SEC16A: variants seen among roughly 807,000 people sequenced by gnomAD.
The protein encoded by SEC16A is SEC16 homolog A, endoplasmic reticulum export factor, also known as protein transport protein Sec16A.
A neutral mutation model predicts 221.9 loss-of-function variants in SEC16A; 110 were observed. That is an observed-to-expected ratio of 0.50 (90% CI 0.42 to 0.58). The LOEUF is 0.58. Among genes scored for constraint, SEC16A ranks in the 20% least tolerant of loss-of-function variants. The pLI, the probability that SEC16A is intolerant of heterozygous loss-of-function variation, is 0.00. For synonymous variants in SEC16A, 1,393 were observed against 1,257.7 expected (o/e 1.11, Z -2.28); for missense variants, 3,165 against 3,097.8 (o/e 1.02, Z -0.52).
At chr9:136,452,951 G>A (rs1398951971) in intron 22 of SEC16A, among the ~76,000 whole-genome samples, 1 of 151,224 alleles carries the variant, frequency 6.6e-6, no homozygotes, top group Non-Finnish European at 1.5e-5. Context: ...CACACCTGTA[G>A]TCCCAGCTAC....
At position 136,475,778 on chromosome 9, in the gene SEC16A, G is replaced by T; in HGVS notation, c.1838C>A (p.Pro613Gln). The change falls in exon 3 of 32, where the codon CCG becomes CAG. Residue 613 changes from proline (P) to glutamine (Q), a missense_variant. Physicochemically the swap from Pro to Gln is moderately conservative, Grantham distance 76. Coordinates refer to ENST00000684901, the MANE Select transcript of SEC16A (RefSeq NM_014866.2). The surrounding 1 kb of genome is among the most constrained non-coding windows in gnomAD (Gnocchi z 5.0). ...TACCCCAACTAAGTGAGATTTTACC[G>T]GTTCGAAAGAACTATTTGCACTTGT... ...FQTSANSSFE[P>Q]VKSHLVGVKP... is the part of the protein sequence containing the mutation. 1.9e-6 allele frequency: 3 copies of T among 1,595,538 alleles called. No individual in the cohort carries two copies. The highest frequency in any genetic ancestry group is 2.3e-5 in the South Asian group (2 of 88,602).
In SEC16A at chr9:136,475,787, G is replaced by T. The variant is rs1032173048; in HGVS notation, c.1829C>A (p.Ser610Tyr). 1 of 1,592,378 alleles carries T rather than the reference G, an allele frequency of 6.3e-7. No homozygotes were observed. The highest frequency in any genetic ancestry group is 8.6e-7 in the Non-Finnish European group (1 of 1,169,110). ...TGIFQTSANS[S>Y]FEPVKSHLVG... ...TAAGTGAGATTTTACCGGTTCGAAA[G>T]AACTATTTGCACTTGTCTGAAATAT... Residue 610 changes from serine (S) to tyrosine (Y), a missense_variant, in exon 3 of 32, where the codon TCT becomes TAT. Physicochemically the swap from Ser to Tyr is moderately radical, Grantham distance 144 (BLOSUM62 -2). This residue lies in a region of SEC16A where 2,030 missense variants were observed against 1,923.1 expected (regional missense o/e 1.06). Transcript: ENST00000684901. This position sits in a 1 kb window ranked among gnomAD's most constrained non-coding sequence, Gnocchi z 5.0.
Position 136,474,829 on chromosome 9 carries a change from T to C in SEC16A, c.2787A>G (p.Pro929=), listed in dbSNP as rs1343964737. Residue 929 remains proline (P), a synonymous_variant, in exon 3 of 32, where the codon CCA becomes CCG. Coordinates refer to ENST00000684901, the MANE Select transcript of SEC16A (RefSeq NM_014866.2). ...CCAAGTTCTCTGGAACTGGCTGGGA[T>C]GGTGGTTGAACCAGCAAATTAGCAG... The part of the protein sequence containing the change: ...NQPANLLVQP[P]SQPVPENLVP... The C allele has an allele frequency of 6.2e-7, 1 of 1,613,934 alleles. No homozygotes were observed. The highest frequency in any genetic ancestry group is 1.7e-5 in the Admixed American group (1 of 60,018).
rs898334245 is a variant in SEC16A at position 136,455,669 on chromosome 9, T to C, written c.5789A>G (p.Asn1930Ser). The change falls in exon 20 of 32, where the codon AAC becomes AGC. Residue 1930 changes from asparagine (N) to serine (S), a missense_variant. Asn to Ser is a conservative substitution (Grantham distance 46, BLOSUM62 1). Around this residue, in one of 3 missense-constraint regions of SEC16A, gnomAD observed 1,088 missense variants for 1,089.6 expected, o/e 1.00. Coordinates refer to ENST00000684901, the MANE Select transcript of SEC16A (RefSeq NM_014866.2). ...CGGTGCAGGCACCGCCAGCAGAGGG[T>C]TGGCGATCCCCAGGGCTCCTGGCTG... The part of the protein sequence containing the change: ...LSQPGALGIA[N>S]PLLAVPAPSP... 5.0e-6 allele frequency: 8 copies of C among 1,593,124 alleles called. No individual in the cohort carries two copies. Among genetic ancestry groups the C allele is most frequent in the Non-Finnish European group, 6.8e-6 (8 of 1,170,808 alleles).
chr9:136,448,532 G>A, intron 23 of SEC16A: 1 of 711,356 alleles, frequency 1.4e-6, no homozygotes, highest in East Asian at 2.7e-5. Context: ...GGAGGTGGGA[G>A]CAGATCCACA....
intron 11 of SEC16A, 117 bp downstream of exon 11, chr9:136,463,346 C>G: frequency 7.2e-7 from 1 of 1,383,944 alleles, no homozygotes; most frequent in Non-Finnish European, 9.9e-7. Flanking sequence ...AGGGGGCCCT[C>G]GAGGCTCCCA....
chr9:136,451,505 C>T (rs1470333620), intron 22 of SEC16A, 97 bp from the exon 23 acceptor site: 1 of 1,365,860 alleles, frequency 7.3e-7, no homozygotes, highest in Non-Finnish European at 9.8e-7. Flanking sequence ...TTCCTAAATA[C>T]ATCACTGAGA....
At chr9:136,453,687 A>C (rs980495217) in intron 21 of SEC16A, among the ~76,000 whole-genome samples, 177 bp from the exon 22 acceptor site, 11 of 152,190 alleles carry the variant, frequency 7.2e-5, no homozygotes, top group African/African-American at 2.4e-4. Flanking sequence ...CATTTTTAAA[A>C]CTAGGCCTAT....
rs1473915875 is a variant in SEC16A at position 136,440,405 on chromosome 9, C to T, written c.*1350G>A. On this transcript the variant is annotated 3_prime_UTR_variant, in exon 32 of 32. Transcript: ENST00000684901. The stretch of plus-strand genomic sequence containing the variant: ...TCCTGGGTGGTCTGGGCTAAATGAT[C>T]AAGTGAAACAGAAAGCCAGGAAGGA... 3 of 152,540 alleles carry T rather than the reference C, an allele frequency of 2.0e-5. No homozygotes were observed. Among genetic ancestry groups the T allele is most frequent in the African/African-American group, 7.2e-5 (3 of 41,446 alleles). The allele number at this position is 152,540 out of a possible 1,614,324, so 9.4% of individuals were successfully genotyped here. A position where few individuals can be genotyped will look rare whatever the true frequency, so the allele number is the denominator to read the frequency against.
At chr9:136,443,450 C>T (rs3124615) in intron 31 of SEC16A, among the ~76,000 whole-genome samples, 3 of 152,156 alleles carry the variant, frequency 2.0e-5, no homozygotes, top group Non-Finnish European at 4.4e-5. Context: ...CTTGGGAAGC[C>T]GAGGTGGGAA....
rs1239109835 is a variant in SEC16A, at chr9:136,446,846, C to T, written c.6792+9G>A. On this transcript the variant is annotated intron_variant, in intron 28 of 31. Coordinates refer to ENST00000684901, the MANE Select transcript of SEC16A (RefSeq NM_014866.2). Reference sequence around the variant, plus strand: ...GGTACCTTTCCCCTTTCCCACCGTACCCGCTCACCTTGGGCTCTGGGGCAG... The same window carrying T: ...GGTACCTTTCCCCTTTCCCACCGTATCCGCTCACCTTGGGCTCTGGGGCAG... The T allele has an allele frequency of 3.8e-6, 6 of 1,594,322 alleles. No homozygotes were observed. The highest frequency in any genetic ancestry group is 2.2e-5 in the East Asian group (1 of 44,766).
At position 136,475,044 on chromosome 9, in the gene SEC16A, A is replaced by T; in HGVS notation, c.2572T>A (p.Ser858Thr). 6.2e-7 allele frequency: 1 copy of T among 1,613,686 alleles called. No individual in the cohort carries two copies. The highest frequency in any genetic ancestry group is 8.5e-7 in the Non-Finnish European group (1 of 1,179,862). The change falls in exon 3 of 32, where the codon TCC becomes ACC. Residue 858 changes from serine (S) to threonine (T), a missense_variant. Coordinates refer to ENST00000684901, the MANE Select transcript of SEC16A (RefSeq NM_014866.2). The surrounding 1 kb of genome is among the most constrained non-coding windows in gnomAD (Gnocchi z 5.0). ...TCCCCCACCAAAGCCTCTCTCCAGG[A>T]CTGATTCTTCTCATGAGAGTTCGAT... ...SLSNSHEKNQ[S>T]WREALVGDRP...
In SEC16A at chr9:136,457,601, C is replaced by T. The variant is rs1413263432; in HGVS notation, c.5410-17G>A. 1.2e-6 allele frequency: 2 copies of T among 1,602,980 alleles called. No homozygotes were observed. Among genetic ancestry groups the T allele is most frequent in the African/African-American group, 1.3e-5 (1 of 74,776 alleles). On this transcript the variant is annotated splice_polypyrimidine_tract_variant and intron_variant, in intron 17 of 31. Coordinates refer to ENST00000684901, the MANE Select transcript of SEC16A (RefSeq NM_014866.2). ...CTTAAACACCTGAAACGACAGAAGC[C>T]TTGCTGCCCTGCGGCTCCCCCGCGT...
chr9:136,479,520 T>A (rs1227731588), intron 1 of SEC16A, among the ~76,000 whole-genome samples: 1 of 152,072 alleles, frequency 6.6e-6, no homozygotes. Flanking sequence ...GCCAGGCTAA[T>A]TTTTTGTCTT....
chr9:136,443,084 C>T (rs1294285658), intron 31 of SEC16A, among the ~76,000 whole-genome samples: 2 of 152,232 alleles, frequency 1.3e-5, no homozygotes, highest in African/African-American at 4.8e-5. Flanking sequence ...GGCTCAGAGA[C>T]CACGGGCTCC....
intron 9 of SEC16A, 102 bp from the exon 10 acceptor site, chr9:136,463,842 G>A: frequency 7.8e-7 from 1 of 1,278,658 alleles, no homozygotes; most frequent in Non-Finnish European, 1.1e-6. Context: ...AGGAGAGGAT[G>A]GCATGGCCCA....
chr9:136,443,316 G>A (rs2131707048), intron 31 of SEC16A, among the ~76,000 whole-genome samples: 1 of 152,362 alleles, frequency 6.6e-6, no homozygotes, highest in African/African-American at 2.4e-5. Flanking sequence ...AGGGAGAAAT[G>A]GCAGCCGGGG....
In SEC16A at chr9:136,455,763, C is replaced by G; in HGVS notation, c.5695G>C (p.Ala1899Pro). The G allele has an allele frequency of 6.2e-7, 1 of 1,600,854 alleles. No individual in the cohort carries two copies. Among genetic ancestry groups the G allele is most frequent in the Non-Finnish European group, 8.5e-7 (1 of 1,174,050 alleles). ...EGAGVWHQDG[A>P]LPQQCPGTPS... ...GTGCCAGGACACTGCTGCGGGAGGG[C>G]TCCATCCTGATGCCATACTCCAGCC... is the stretch of plus-strand genomic sequence containing the variant. The change falls in exon 20 of 32, where the codon GCC becomes CCC. Residue 1899 changes from alanine to proline, a missense_variant. Transcript: ENST00000684901.
rs765216099 is a variant in SEC16A, at chr9:136,459,896, C to T, written c.5074-22G>A. On this transcript the variant is annotated intron_variant, in intron 14 of 31. Coordinates refer to ENST00000684901, the MANE Select transcript of SEC16A (RefSeq NM_014866.2). The surrounding 1 kb of genome is among the most constrained non-coding windows in gnomAD (Gnocchi z 6.1). Reference sequence around the variant, plus strand: ...AGCACTAACATGAGGAAAAACAAAACGAAGCCTCATCCCCGGAAGCCAGCG... The same window carrying T: ...AGCACTAACATGAGGAAAAACAAAATGAAGCCTCATCCCCGGAAGCCAGCG... 54 of 1,600,150 alleles carry T rather than the reference C, an allele frequency of 3.4e-5. No individual in the cohort carries two copies. Among genetic ancestry groups the T allele is most frequent in the African/African-American group, 4.0e-5 (3 of 74,642 alleles).
Sources: allele counts gnomAD v4.1 joint callset (sites outside exome capture counted in the v4.1 genomes callset), GRCh38; gene constraint gnomAD v4.1.1; regional missense constraint gnomAD v4.1.1; non-coding constraint Gnocchi (gnomAD v3.1); transcripts MANE v1.5; gene names NCBI Gene and HGNC (gene_info 2026-07-23, HGNC 2026-07-21).